CSMD1: variants seen among roughly 807,000 people sequenced by gnomAD.
The protein encoded by CSMD1 is CUB and sushi domain-containing protein 1.
CSMD1 carries 213 observed loss-of-function variants against 417.5 expected under a neutral mutation model. That is an observed-to-expected ratio of 0.51 (90% CI 0.46 to 0.57). The LOEUF is 0.57. Ranked by LOEUF, CSMD1 falls within the 20% of genes least tolerant of loss-of-function variation. The pLI, the probability that CSMD1 is intolerant of heterozygous loss-of-function variation, is 0.00. For missense variants in CSMD1, 6,923 were observed against 4,529.7 expected, an observed-to-expected ratio of 1.53 and a Z score of -15.17; for synonymous variants, 2,862 against 1,736.8, an observed-to-expected ratio of 1.65 and a Z score of -16.11.
chr8:3,958,153 T>A (rs191022527), intron 5 of CSMD1, among the ~76,000 whole-genome samples: 2 of 152,172 alleles, frequency 1.3e-5, no homozygotes, highest in African/African-American at 2.4e-5. Flanking sequence ...GAGCATTCTG[T>A]CCTTCTGGCA....
chr8:3,322,154 GGAT>G, intron 23 of CSMD1, among the ~76,000 whole-genome samples: 1 of 152,244 alleles, frequency 6.6e-6, no homozygotes, highest in South Asian at 2.1e-4. Flanking sequence ...ATGAGTTTGA[GGAT>G]GATAAATGAA....
chr8:3,122,930 G>T (rs1452304135), intron 41 of CSMD1, among the ~76,000 whole-genome samples: 1 of 152,172 alleles, frequency 6.6e-6, no homozygotes, highest in African/African-American at 2.4e-5. Context: ...ATATTGGACT[G>T]TTGGAATCTT....
intron 12 of CSMD1, among the ~76,000 whole-genome samples, chr8:3,453,967 A>C (rs1011711313): frequency 6.6e-6 from 1 of 152,084 alleles, no homozygotes; most frequent in South Asian, 2.1e-4. Flanking sequence ...GTAGGTCTCT[A>C]AGGACTTGCT....
chr8:3,305,638 C>T (rs894463844), intron 25 of CSMD1, among the ~76,000 whole-genome samples: 4 of 152,048 alleles, frequency 2.6e-5, no homozygotes, highest in African/African-American at 9.7e-5. Flanking sequence ...GACTTCCCAT[C>T]CTCCAGAACT....
At chr8:3,973,501 C>A (rs957826420) in intron 5 of CSMD1, among the ~76,000 whole-genome samples, 2 of 152,046 alleles carry the variant, frequency 1.3e-5, no homozygotes, top group African/African-American at 4.8e-5. Context: ...GCATACATCC[C>A]AACAAATCAT....
chr8:3,319,437 T>G (rs1210295509), intron 23 of CSMD1, among the ~76,000 whole-genome samples: 2 of 152,160 alleles, frequency 1.3e-5, no homozygotes, highest in Non-Finnish European at 2.9e-5. Flanking sequence ...TTTGATAGCT[T>G]GAGTAATTAA....
intron 3 of CSMD1, among the ~76,000 whole-genome samples, chr8:4,124,201 G>A (rs934759790): frequency 1.3e-5 from 2 of 152,122 alleles, no homozygotes; most frequent in African/African-American, 4.8e-5. Context: ...AGTACGACCA[G>A]GAGGAAGCTT....
chr8:3,508,860 G>A (rs544120300), intron 10 of CSMD1, among the ~76,000 whole-genome samples: 2 of 152,316 alleles, frequency 1.3e-5, no homozygotes, highest in Admixed American at 6.5e-5. Context: ...GGGAAACGGT[G>A]ACAAAAGTGA....
intron 5 of CSMD1, among the ~76,000 whole-genome samples, chr8:3,754,964 G>C (rs1395956381): frequency 8.9e-5 from 1 of 11,246 alleles, no homozygotes. Flanking sequence ...TAAGAAAGCA[G>C]TGCATTCATT....
intron 5 of CSMD1, among the ~76,000 whole-genome samples, chr8:3,829,267 G>C (rs558982709): frequency 2.0e-5 from 3 of 152,212 alleles, no homozygotes; most frequent in South Asian, 4.2e-4. Flanking sequence ...ATATGAGTGA[G>C]AAAATACGAT....
chr8:3,523,956 T>TGCAC (rs1373274615), intron 10 of CSMD1, among the ~76,000 whole-genome samples: 2 of 137,294 alleles, frequency 1.5e-5, no homozygotes, highest in African/African-American at 5.6e-5. Context: ...TGCATACACA[T>TGCAC]GCACACTTAC....
intron 26 of CSMD1, among the ~76,000 whole-genome samples, chr8:3,234,862 A>T (rs1799058890): frequency 6.6e-6 from 1 of 152,218 alleles, no homozygotes; most frequent in South Asian, 2.1e-4. Flanking sequence ...CAAATTCTTG[A>T]ATTTACTCTT....
chr8:4,372,241 G>A (rs1024635839), intron 3 of CSMD1, among the ~76,000 whole-genome samples: 1 of 152,136 alleles, frequency 6.6e-6, no homozygotes, highest in African/African-American at 2.4e-5. Flanking sequence ...AACTTTATAT[G>A]AAGTAAAGAT....
intron 25 of CSMD1, among the ~76,000 whole-genome samples, chr8:3,304,103 A>G (rs913670436): frequency 7.9e-5 from 12 of 152,208 alleles, no homozygotes; most frequent in African/African-American, 2.7e-4. Context: ...ATATTTTCCA[A>G]GATCCGGCTG....
intron 2 of CSMD1, among the ~76,000 whole-genome samples, chr8:4,490,121 A>G (rs1801627285): frequency 1.3e-5 from 2 of 149,198 alleles, no homozygotes; most frequent in East Asian, 2.0e-4. Flanking sequence ...GCTAACTGCA[A>G]CCTCTGCCTC....
chr8:3,996,975 C>A (rs139552782), intron 5 of CSMD1, among the ~76,000 whole-genome samples: 1 of 152,296 alleles, frequency 6.6e-6, no homozygotes, highest in East Asian at 1.9e-4. Context: ...CTGCAACCTG[C>A]CGACATGTTC....
chr8:3,982,797 C>A (rs1813983088), intron 5 of CSMD1, among the ~76,000 whole-genome samples: 2 of 152,234 alleles, frequency 1.3e-5, no homozygotes, highest in South Asian at 4.1e-4. Context: ...GGCAAGAATC[C>A]GCTGGAGGAT....
intron 1 of CSMD1, among the ~76,000 whole-genome samples, chr8:4,912,135 A>AAAAAAAAAAGAAAG (rs765904838): frequency 8.6e-6 from 1 of 115,612 alleles, no homozygotes; most frequent in Non-Finnish European, 1.9e-5. Context: ...AAAAAAAAAA[A>AAAAAAAAAAGAAAG]AAAAAAGAAA....
chr8:4,916,511 A>G (rs1022413501), intron 1 of CSMD1, among the ~76,000 whole-genome samples: 2 of 152,224 alleles, frequency 1.3e-5, no homozygotes, highest in Middle Eastern at 3.2e-3. Context: ...TCATGGAAAT[A>G]TGAAAGCTAA....
Sources: gnomAD v4.1 joint callset for allele counts (sites outside exome capture counted in the v4.1 genomes callset) on GRCh38, gnomAD v4.1.1 for gene constraint, MANE v1.5 for transcripts, NCBI Gene and HGNC (gene_info 2026-07-23, HGNC 2026-07-21) for gene names.